Variants in CCDC171 observed in about 807,000 individuals in gnomAD.
CCDC171 encodes coiled-coil domain containing 171.
CCDC171 carries 177 observed loss-of-function variants against 168.2 expected under a neutral mutation model. The ratio of observed to expected loss-of-function variants is 1.05; its 90% CI spans 0.93 to 1.19. The LOEUF is 1.19. Among genes scored for constraint, CCDC171 ranks in the 50% most tolerant of loss-of-function variants. The pLI is 0.00. For missense variants in CCDC171, 1,991 were observed against 1,539.0 expected (o/e 1.29, Z -4.91); for synonymous variants, 687 against 540.8 (o/e 1.27, Z -3.75).
intron 7 of CCDC171, among the ~76,000 whole-genome samples, chr9:15,633,105 G>A (rs1343064413): frequency 6.6e-6 from 1 of 152,158 alleles, no homozygotes; most frequent in East Asian, 1.9e-4. Context: ...TCAGGACATA[G>A]GCATGGGCAA....
chr9:15,950,020 T>C (rs116861551), intron 25 of CCDC171, among the ~76,000 whole-genome samples: 8 of 152,096 alleles, frequency 5.3e-5, no homozygotes, highest in Non-Finnish European at 1.0e-4. Flanking sequence ...CATGAAGGAG[T>C]ATCAGCGATG....
chr9:16,100,190 C>G, the CCDC171 span, among the ~76,000 whole-genome samples: 1 of 152,214 alleles, frequency 6.6e-6, no homozygotes, highest in South Asian at 2.1e-4. Flanking sequence ...TCAGCCCCAT[C>G]TTATTGAACT....
chr9:16,013,023 T>A (rs886317754), intron 3 of CCDC171, among the ~76,000 whole-genome samples: 1 of 152,172 alleles, frequency 6.6e-6, no homozygotes, highest in African/African-American at 2.4e-5. Context: ...TTTCACACAG[T>A]CTGGGGAACA....
At chr9:16,030,770 C>G (rs182937689) in intron 6 of CCDC171, among the ~76,000 whole-genome samples, 2 of 152,178 alleles carry the variant, frequency 1.3e-5, no homozygotes, top group African/African-American at 4.8e-5. Flanking sequence ...GCTCACCACG[C>G]TGGCCAGGAG....
chr9:15,762,434 A>G (rs981879870), intron 18 of CCDC171, among the ~76,000 whole-genome samples: 2 of 152,190 alleles, frequency 1.3e-5, no homozygotes, highest in Non-Finnish European at 2.9e-5. Flanking sequence ...AAAGTCAACT[A>G]TGGTAGCCTA....
At chr9:15,942,516 C>G (rs546911207) in intron 25 of CCDC171, among the ~76,000 whole-genome samples, 47 of 151,802 alleles carry the variant, frequency 3.1e-4, no homozygotes, top group Non-Finnish European at 5.7e-4. Flanking sequence ...CACCTGAGAT[C>G]AGGAATTGTG....
chr9:15,701,300 C>G (rs2051714724), intron 11 of CCDC171, among the ~76,000 whole-genome samples: 1 of 152,034 alleles, frequency 6.6e-6, no homozygotes, highest in African/African-American at 2.4e-5. Context: ...GAGGTTTTAG[C>G]CATAAAATCT....
At chr9:16,098,947 G>C in the CCDC171 span, among the ~76,000 whole-genome samples, 2 of 152,196 alleles carry the variant, frequency 1.3e-5, no homozygotes, top group African/African-American at 2.4e-5. Context: ...TCCTGCATCA[G>C]GGAGGGCTCA....
chr9:15,745,022 C>A (rs1024085559), intron 17 of CCDC171, among the ~76,000 whole-genome samples: 4 of 152,046 alleles, frequency 2.6e-5, no homozygotes, highest in Non-Finnish European at 5.9e-5. Flanking sequence ...TCAACTTTGT[C>A]TTGTTTTAGA....
At chr9:16,010,103 A>T (rs1198446926) in intron 3 of CCDC171, among the ~76,000 whole-genome samples, 1 of 152,164 alleles carries the variant, frequency 6.6e-6, no homozygotes, top group Non-Finnish European at 1.5e-5. Flanking sequence ...AACTTAAACA[A>T]GAAATTGTTG....
chr9:15,801,477 C>T (rs2058818289), intron 21 of CCDC171, among the ~76,000 whole-genome samples: 1 of 152,010 alleles, frequency 6.6e-6, no homozygotes, highest in Admixed American at 6.6e-5. Context: ...TATCCTGCAG[C>T]TTTAGTGAAT....
At chr9:15,675,487 G>T (rs1346564494) in intron 9 of CCDC171, among the ~76,000 whole-genome samples, 1 of 152,002 alleles carries the variant, frequency 6.6e-6, no homozygotes, top group African/African-American at 2.4e-5. Context: ...TTACAATTTG[G>T]TATGTTTTTG....
chr9:15,652,449 CT>C (rs796300179), intron 7 of CCDC171, among the ~76,000 whole-genome samples: 2,816 of 142,176 alleles, frequency 0.02, 71 homozygotes, highest in African/African-American at 0.061. Context: ...ATTATTGTAG[CT>C]TTTTTTTTTT....
chr9:15,715,142 A>AAGC (rs1469180289), intron 11 of CCDC171, among the ~76,000 whole-genome samples: 5 of 152,330 alleles, frequency 3.3e-5, no homozygotes, highest in Non-Finnish European at 7.4e-5. Flanking sequence ...CTCATCAACG[A>AAGC]AGCAGGGACT....
chr9:15,983,804 G>A (rs1589295818), intron 3 of CCDC171, among the ~76,000 whole-genome samples: 1 of 127,168 alleles, frequency 7.9e-6, no homozygotes, highest in Non-Finnish European at 1.6e-5. Flanking sequence ...GGAGGCAAGA[G>A]CTAAATAAAG....
rs891262442 is a variant in CCDC171, at chr9:15,897,334, T to A, written c.3600+22671T>A. On this transcript the variant is annotated intron_variant, in intron 24 of 25. Coordinates refer to ENST00000380701, the MANE Select transcript of CCDC171 (RefSeq NM_173550.4). Reference sequence around the variant, plus strand: ...GGATAATAGATGATTTGCTATAATTTCTAAGCTTAATTTTTTCCCATTAAA... The same window carrying A: ...GGATAATAGATGATTTGCTATAATTACTAAGCTTAATTTTTTCCCATTAAA... 8.0e-4 allele frequency among the ~76,000 whole-genome samples: 122 copies of A among 152,200 alleles called. 1 individual carries two copies. The highest frequency in any genetic ancestry group is 2.7e-3 in the African/African-American group (113 of 41,568).
chr9:15,869,228 A>G (rs1003771535), intron 23 of CCDC171, among the ~76,000 whole-genome samples: 6 of 151,976 alleles, frequency 3.9e-5, no homozygotes, highest in Admixed American at 2.6e-4. Flanking sequence ...TACTAATAGA[A>G]GTAGTATTAT....
At chr9:16,088,311 A>G in the CCDC171 span, among the ~76,000 whole-genome samples, 1 of 152,250 alleles carries the variant, frequency 6.6e-6, no homozygotes, top group Admixed American at 6.5e-5. Context: ...GAAAACTGGC[A>G]CAAGACAAGG....
chr9:16,023,304 T>C (rs1248550477), intron 6 of CCDC171, among the ~76,000 whole-genome samples: 1 of 152,216 alleles, frequency 6.6e-6, no homozygotes, highest in Admixed American at 6.5e-5. Context: ...TATCTGACTT[T>C]GACTATGAGC....
Sources: gnomAD v4.1 joint callset for allele counts (sites outside exome capture counted in the v4.1 genomes callset) on GRCh38, gnomAD v4.1.1 for gene constraint, MANE v1.5 for transcripts, NCBI Gene and HGNC (gene_info 2026-07-23, HGNC 2026-07-21) for gene names.